The following NME7 variants were observed in gnomAD, a reference collection of about 807,000 sequenced individuals.
NME7 encodes nucleoside diphosphate kinase 7.
A neutral mutation model predicts 49.1 loss-of-function variants in NME7; 41 were observed. The ratio of observed to expected loss-of-function variants is 0.83; its 90% CI spans 0.65 to 1.08. NME7 has a LOEUF of 1.08. Among genes scored for constraint, NME7 ranks in the 50% least tolerant of loss-of-function variants. The probability of loss-of-function intolerance (pLI) is 0.00; values close to 1 mark genes in which losing one functional copy is unlikely to be tolerated. For missense variants in NME7, 423 were observed against 463.4 expected, an observed-to-expected ratio of 0.91 and a Z score of 0.80; for synonymous variants, 139 against 150.6, an observed-to-expected ratio of 0.92 and a Z score of 0.56.
chr1:169,223,533 T>C (rs1661208108), intron 10 of NME7, among the ~76,000 whole-genome samples: 2 of 152,172 alleles, frequency 1.3e-5, no homozygotes, highest in African/African-American at 2.4e-5. Context: ...CTCAAATTGG[T>C]TTCGATTCAA....
At chr1:169,235,971 C>T (rs1476065) in intron 8 of NME7, among the ~76,000 whole-genome samples, 1 of 137,314 alleles carries the variant, frequency 7.3e-6, no homozygotes, top group Non-Finnish European at 1.5e-5. Context: ...TCAGAATTCC[C>T]AGTTTTATTT....
At chr1:169,187,167 T>C (rs116384924) in intron 10 of NME7, among the ~76,000 whole-genome samples, 553 of 152,216 alleles carry the variant, frequency 3.6e-3, no homozygotes, top group African/African-American at 0.013. Context: ...AGGAGTGTTT[T>C]ATGTATAACT....
At chr1:169,161,170 A>G (rs1659232194) in intron 11 of NME7, among the ~76,000 whole-genome samples, 3 of 152,170 alleles carry the variant, frequency 2.0e-5, no homozygotes, top group African/African-American at 7.2e-5. Context: ...TGACTTTACG[A>G]GGCCCCTGCT....
intron 10 of NME7, among the ~76,000 whole-genome samples, chr1:169,198,961 A>G (rs1327058688): frequency 1.3e-5 from 2 of 152,118 alleles, no homozygotes; most frequent in African/African-American, 4.8e-5. Flanking sequence ...ATTACCAGAC[A>G]GGCCACCTAG....
chr1:169,248,451 T>A (rs1015669268), intron 7 of NME7, among the ~76,000 whole-genome samples: 1 of 152,132 alleles, frequency 6.6e-6, no homozygotes, highest in Non-Finnish European at 1.5e-5. Flanking sequence ...GATAGTTATT[T>A]CTTTTAATGT....
chr1:169,345,314 C>T (rs1164951399), intron 1 of NME7, among the ~76,000 whole-genome samples: 1 of 151,980 alleles, frequency 6.6e-6, no homozygotes, highest in Non-Finnish European at 1.5e-5. Context: ...TTCTATTTTA[C>T]TGTTTTCTAC....
At position 169,257,326 on chromosome 1, in the gene NME7, T is replaced by C. The variant is rs1045129275; in HGVS notation, c.755-19639A>G. Among the ~76,000 whole-genome samples, 2 of 134,414 alleles carry C rather than the reference T, an allele frequency of 1.5e-5. 1 individual carries two copies. Among genetic ancestry groups the C allele is most frequent in the Non-Finnish European group, 3.5e-5 (2 of 57,066 alleles). The allele number at this position is 134,414 out of a possible 152,430, so 88.2% of individuals were successfully genotyped here. A position where few individuals can be genotyped will look rare whatever the true frequency, so the allele number is the denominator to read the frequency against. Reference sequence around the variant, plus strand: ...TATTTGGTTGGGAGTGACCCGATTTTCCAGGTGCTGTCCGGCATCCCTTTC... The same window carrying C: ...TATTTGGTTGGGAGTGACCCGATTTCCCAGGTGCTGTCCGGCATCCCTTTC... On this transcript the variant is annotated intron_variant, in intron 7 of 11. Transcript: ENST00000367811.
intron 10 of NME7, among the ~76,000 whole-genome samples, chr1:169,177,547 G>T (rs1427629532): frequency 1.3e-5 from 2 of 152,126 alleles, no homozygotes; most frequent in Non-Finnish European, 2.9e-5. Context: ...AGCACTTTGG[G>T]AGGCTAAGGT....
intron 1 of NME7, among the ~76,000 whole-genome samples, chr1:169,359,628 A>G (rs902853540): frequency 6.6e-6 from 1 of 152,034 alleles, no homozygotes; most frequent in Non-Finnish European, 1.5e-5. Context: ...TAATTTTCCT[A>G]TATTTCTACA....
intron 7 of NME7, among the ~76,000 whole-genome samples, chr1:169,251,330 T>A (rs983344978): frequency 6.6e-6 from 1 of 152,062 alleles, no homozygotes; most frequent in African/African-American, 2.4e-5. Context: ...GAGTGGAATA[T>A]CTTTTTGCAC....
chr1:169,339,656 G>C (rs1268156018), intron 1 of NME7, among the ~76,000 whole-genome samples: 1 of 152,114 alleles, frequency 6.6e-6, no homozygotes, highest in African/African-American at 2.4e-5. Context: ...TCTGAAAGTG[G>C]ATGTGCTAGA....
At chr1:169,328,614 AT>A (rs1229587623) in intron 1 of NME7, among the ~76,000 whole-genome samples, 3 of 152,222 alleles carry the variant, frequency 2.0e-5, no homozygotes, top group African/African-American at 7.2e-5. Context: ...CTAAAATTAT[AT>A]TTATAAATGA....
Position 169,275,305 on chromosome 1 carries a change from G to A in NME7, c.754+11998C>T, listed in dbSNP as rs1204240565. On this transcript the variant is annotated intron_variant, in intron 7 of 11. Transcript: ENST00000367811. ...GTGTATAAGAACACGGTGAAACCCC[G>A]TCTCTACTAAAAAAAATACAAAAAT... 7.8e-5 allele frequency among the ~76,000 whole-genome samples: 10 copies of A among 127,970 alleles called. 4 individuals are homozygous for A. Among genetic ancestry groups the A allele is most frequent in the Non-Finnish European group, 1.1e-4 (6 of 54,936 alleles). The allele number at this position is 127,970 out of a possible 152,430, so 84.0% of individuals were successfully genotyped here.
At chr1:169,252,505 G>A (rs1406494527) in intron 7 of NME7, among the ~76,000 whole-genome samples, 1 of 151,838 alleles carries the variant, frequency 6.6e-6, no homozygotes. Flanking sequence ...CTCCCATTTT[G>A]TAGGTTGCCT....
chr1:169,299,720 T>G (rs1650865487), intron 5 of NME7, among the ~76,000 whole-genome samples: 2 of 152,106 alleles, frequency 1.3e-5, no homozygotes, highest in Admixed American at 1.3e-4. Context: ...AACACTCCCA[T>G]TCATTTTGAA....
intron 1 of NME7, among the ~76,000 whole-genome samples, chr1:169,327,419 C>A (rs1652098089): frequency 6.6e-6 from 1 of 152,142 alleles, no homozygotes; most frequent in Admixed American, 6.6e-5. Flanking sequence ...CACACATAAT[C>A]ACACTTTGTT....
intron 10 of NME7, among the ~76,000 whole-genome samples, chr1:169,176,892 T>C (rs1318665816): frequency 6.6e-6 from 1 of 152,162 alleles, no homozygotes; most frequent in African/African-American, 2.4e-5. Context: ...ACATAAACAT[T>C]AGCATAGAGG....
intron 7 of NME7, among the ~76,000 whole-genome samples, chr1:169,243,360 G>A (rs1401648708): frequency 2.6e-5 from 4 of 152,184 alleles, no homozygotes; most frequent in African/African-American, 9.7e-5. Flanking sequence ...CTTCCCAGAA[G>A]GAAGTCTACA....
intron 10 of NME7, among the ~76,000 whole-genome samples, chr1:169,170,171 G>A (rs1659540546): frequency 6.6e-6 from 1 of 152,150 alleles, no homozygotes; most frequent in South Asian, 2.1e-4. Flanking sequence ...AAAGATACTC[G>A]AGACTGAGAT....
Sources: gnomAD v4.1 joint callset for allele counts (sites outside exome capture counted in the v4.1 genomes callset) on GRCh38, gnomAD v4.1.1 for gene constraint, MANE v1.5 for transcripts, NCBI Gene and HGNC (gene_info 2026-07-23, HGNC 2026-07-21) for gene names.